Variants in YES1 observed in about 807,000 individuals in gnomAD.
YES1 encodes the protein YES proto-oncogene 1, Src family tyrosine kinase.
In YES1, 39 loss-of-function variants were observed where a neutral mutation model predicts 70.4. That is an observed-to-expected ratio of 0.55 (90% CI 0.43 to 0.72). The LOEUF (loss-of-function observed/expected upper bound fraction) is 0.72, where lower values mean the gene tolerates loss of function less well. Ranked by LOEUF, YES1 falls within the 30% of genes least tolerant of loss-of-function variation. YES1 has a pLI of 0.00. For missense variants in YES1, 495 were observed against 644.8 expected, an observed-to-expected ratio of 0.77 and a Z score of 2.52; for synonymous variants, 198 against 218.6, an observed-to-expected ratio of 0.91 and a Z score of 0.83.
At chr18:801,719 CAG>C (rs527951347) in intron 1 of YES1, among the ~76,000 whole-genome samples, 11 of 151,778 alleles carry the variant, frequency 7.2e-5, no homozygotes, top group African/African-American at 2.4e-4. Context: ...TGTGTATATA[CAG>C]AGAGAGAGAG....
rs2080407669 is a variant in YES1 at position 756,491 on chromosome 18, C to T, written c.271+66G>A. 2.5e-6 allele frequency: 4 copies of T among 1,574,526 alleles called. No homozygotes were observed. The Admixed American group carries it at 5.2e-5, about 21-fold the overall frequency. ...ATATCTTTCTTAAAGGCAGACAAGCCTTAAGTATATATTACCCAAGGTGAT... is the reference window on the plus strand; with the variant it reads ...ATATCTTTCTTAAAGGCAGACAAGCTTTAAGTATATATTACCCAAGGTGAT... On this transcript the variant is annotated intron_variant, in intron 2 of 11. Transcript: ENST00000314574.
chr18:783,686 A>G (rs1905795646), intron 1 of YES1, among the ~76,000 whole-genome samples: 1 of 150,454 alleles, frequency 6.6e-6, no homozygotes, highest in East Asian at 2.0e-4. Flanking sequence ...GTGCAATCTC[A>G]GCTCAATGCA....
At chr18:774,904 C>T (rs9945217) in intron 1 of YES1, among the ~76,000 whole-genome samples, 54,172 of 152,008 alleles carry the variant, frequency 0.36, 10,484 homozygotes, top group African/African-American at 0.5. Flanking sequence ...TACTACTGTG[C>T]CCCAACTTGC....
chr18:735,435 G>A (rs1472349599), intron 10 of YES1, among the ~76,000 whole-genome samples: 1 of 151,736 alleles, frequency 6.6e-6, no homozygotes, highest in Non-Finnish European at 1.5e-5. Context: ...TAAAAGTGGG[G>A]CTAAGCTATG....
chr18:809,877 T>C (rs1292173089), intron 1 of YES1, among the ~76,000 whole-genome samples: 1 of 152,096 alleles, frequency 6.6e-6, no homozygotes, highest in Non-Finnish European at 1.5e-5. Context: ...TCCTACCAGG[T>C]TAAAAGAACT....
intron 1 of YES1, among the ~76,000 whole-genome samples, chr18:757,313 C>CT (rs1210335159): frequency 1.3e-5 from 2 of 151,504 alleles, no homozygotes; most frequent in African/African-American, 4.9e-5. Flanking sequence ...ACCATCCTGG[C>CT]TAACACGGTG....
chr18:802,856 GT>G (rs1451792504), intron 1 of YES1, among the ~76,000 whole-genome samples: 13 of 151,894 alleles, frequency 8.6e-5, no homozygotes, highest in Admixed American at 8.5e-4. Context: ...GTTGAGGCAA[GT>G]GGATCGCTTG....
At chr18:767,309 C>G (rs996849473) in intron 1 of YES1, among the ~76,000 whole-genome samples, 2 of 152,080 alleles carry the variant, frequency 1.3e-5, no homozygotes, top group African/African-American at 4.8e-5. Flanking sequence ...ACCACCACGC[C>G]TGGCTCATTT....
chr18:793,047 T>G (rs573666381), intron 1 of YES1, among the ~76,000 whole-genome samples: 252 of 147,732 alleles, frequency 1.7e-3, no homozygotes, highest in African/African-American at 5.3e-3. Context: ...TTATTGGTTT[T>G]TTTTTTTTTT....
At chr18:725,985 T>G (rs1179581445) in intron 11 of YES1, among the ~76,000 whole-genome samples, 2 of 152,326 alleles carry the variant, frequency 1.3e-5, no homozygotes, top group Admixed American at 6.5e-5. Flanking sequence ...TAATATTCAG[T>G]GAGGGCTTAC....
At chr18:779,177 G>C (rs577758809) in intron 1 of YES1, among the ~76,000 whole-genome samples, 8 of 152,134 alleles carry the variant, frequency 5.3e-5, no homozygotes, top group African/African-American at 1.9e-4. Context: ...TGAGGTGGGA[G>C]AATCACTTGA....
At chr18:773,145 A>G (rs1031367366) in intron 1 of YES1, among the ~76,000 whole-genome samples, 2 of 152,246 alleles carry the variant, frequency 1.3e-5, no homozygotes, top group African/African-American at 2.4e-5. Context: ...ACTGAAAGTA[A>G]TAACTTTTCA....
chr18:785,800 G>A (rs768504438), intron 1 of YES1, among the ~76,000 whole-genome samples: 2 of 151,276 alleles, frequency 1.3e-5, no homozygotes, highest in Non-Finnish European at 2.9e-5. Context: ...AAAGCCAGGC[G>A]CTGTTGAGCA....
intron 9 of YES1, chr18:737,219 G>A (rs1007249136): frequency 5.2e-5 from 15 of 286,820 alleles, no homozygotes; most frequent in Non-Finnish European, 9.1e-5. Flanking sequence ...TTGGGAGGCC[G>A]AGGCAGGTGG....
chr18:746,362 AAT>A (rs2080281050), intron 4 of YES1, among the ~76,000 whole-genome samples: 1 of 152,184 alleles, frequency 6.6e-6, no homozygotes, highest in African/African-American at 2.4e-5. Flanking sequence ...GTCAGTGACA[AAT>A]GGAAATATTA....
chr18:770,268 CT>C (rs11324966), intron 1 of YES1, among the ~76,000 whole-genome samples: 84,913 of 140,048 alleles, frequency 0.61, 25,864 homozygotes, highest in African/African-American at 0.76. Context: ...GCCCTTTTAT[CT>C]TTTTTTTTTT....
At chr18:798,647 G>T (rs996811207) in intron 1 of YES1, among the ~76,000 whole-genome samples, 10 of 152,070 alleles carry the variant, frequency 6.6e-5, no homozygotes, top group African/African-American at 2.4e-4. Flanking sequence ...CACTAGAAGT[G>T]GTATGTAGAT....
chr18:723,174 A>T lies in YES1; in HGVS notation c.*1250T>A, dbSNP rs991898831. The T allele has an allele frequency of 6.6e-6, 1 of 152,272 alleles. No homozygotes were observed. Among genetic ancestry groups the T allele is most frequent in the Non-Finnish European group, 1.5e-5 (1 of 68,036 alleles). 9.4% of individuals were successfully genotyped at this position (152,272 alleles called of 1,614,324 possible). A position where few individuals can be genotyped will look rare whatever the true frequency, so the allele number is the denominator to read the frequency against. ...TCTAAAAATGTTTTACATAAAAACC[A>T]TATCCCACTGCAATGAATGTGAAGC... On this transcript the variant is annotated 3_prime_UTR_variant, in exon 12 of 12. Transcript: ENST00000314574.
At chr18:737,160 A>T in intron 9 of YES1, 199 bp from the exon 10 acceptor site, 2 of 524,010 alleles carry the variant, frequency 3.8e-6, no homozygotes, top group Non-Finnish European at 6.6e-6. Flanking sequence ...AGATTTCAAA[A>T]ATCTAACACT....
Sources: allele counts gnomAD v4.1 joint callset (sites outside exome capture counted in the v4.1 genomes callset), GRCh38; gene constraint gnomAD v4.1.1; transcripts MANE v1.5; gene names NCBI Gene and HGNC (gene_info 2026-07-23, HGNC 2026-07-21).